The following TRIT1 variants were observed in gnomAD, a reference collection of about 807,000 sequenced individuals.
The protein encoded by TRIT1 is tRNA dimethylallyltransferase.
A neutral mutation model predicts 51.2 loss-of-function variants in TRIT1; 43 were observed. The observed-to-expected ratio is 0.84, with a 90% confidence interval of 0.66 to 1.08. The LOEUF is 1.08. Ranked by LOEUF, TRIT1 falls within the 50% of genes least tolerant of loss-of-function variation. The pLI is 0.00. For missense variants in TRIT1, 528 were observed against 578.4 expected, an observed-to-expected ratio of 0.91 and a Z score of 0.89; for synonymous variants, 184 against 203.9, an observed-to-expected ratio of 0.90 and a Z score of 0.83.
chr1:39,865,789 C>T (rs1643511532), intron 1 of TRIT1, among the ~76,000 whole-genome samples: 1 of 151,120 alleles, frequency 6.6e-6, no homozygotes, highest in Non-Finnish European at 1.5e-5. Context: ...GGGTGAGCTG[C>T]AGTGGGCCAT....
At chr1:39,863,771 GA>G (rs201057331) in intron 1 of TRIT1, among the ~76,000 whole-genome samples, 51 of 146,196 alleles carry the variant, frequency 3.5e-4, no homozygotes, top group Middle Eastern at 6.9e-3. Context: ...AAAGAGATAT[GA>G]AAAAAAAACT....
intron 1 of TRIT1, among the ~76,000 whole-genome samples, chr1:39,869,763 A>T (rs12033174): frequency 7.1e-5 from 10 of 140,556 alleles, no homozygotes; most frequent in African/African-American, 2.6e-4. Flanking sequence ...CCGCCACCCC[A>T]TCTGGGAGGT....
chr1:39,860,506 T>A (rs1643174883), intron 1 of TRIT1, among the ~76,000 whole-genome samples: 1 of 152,188 alleles, frequency 6.6e-6, no homozygotes, highest in Non-Finnish European at 1.5e-5. Context: ...ATGCAAATAT[T>A]ACAAAATCAG....
At chr1:39,851,444 T>C (rs1192382922) in intron 4 of TRIT1, among the ~76,000 whole-genome samples, 1 of 152,182 alleles carries the variant, frequency 6.6e-6, no homozygotes, top group African/African-American at 2.4e-5. Flanking sequence ...TGAATGTTTA[T>C]CATAATGTTC....
At chr1:39,859,334 C>T (rs1643104399) in intron 1 of TRIT1, among the ~76,000 whole-genome samples, 1 of 136,840 alleles carries the variant, frequency 7.3e-6, no homozygotes, top group African/African-American at 2.7e-5. Flanking sequence ...ACCTGTAATC[C>T]TAGCACTTTG....
chr1:39,877,800 T>G (rs898698316), intron 1 of TRIT1, among the ~76,000 whole-genome samples: 31 of 152,194 alleles, frequency 2.0e-4, no homozygotes, highest in African/African-American at 7.5e-4. Flanking sequence ...CAGATCCAAT[T>G]CCCAGTGTCT....
intron 1 of TRIT1, among the ~76,000 whole-genome samples, chr1:39,866,031 GAAAAGAAAAGA>G (rs1239951301): frequency 7.0e-6 from 1 of 142,908 alleles, no homozygotes; most frequent in Non-Finnish European, 1.5e-5. Context: ...AGAAAGAAAA[GAAAAGAAAAGA>G]AAAAGAAAAG....
intron 2 of TRIT1, among the ~76,000 whole-genome samples, chr1:39,856,513 C>G (rs867583178): frequency 6.7e-6 from 1 of 149,846 alleles, no homozygotes; most frequent in African/African-American, 2.5e-5. Context: ...AAAAAATTCA[C>G]GTACCTCCAT....
intron 8 of TRIT1, 142 bp downstream of exon 8, chr1:39,847,077 AT>A (rs199666476): frequency 0.022 from 13,180 of 607,692 alleles, 754 homozygotes; most frequent in East Asian, 0.18. Context: ...CTGGATAATC[AT>A]TTATGTTATA....
intron 4 of TRIT1, among the ~76,000 whole-genome samples, chr1:39,851,396 A>T (rs1474600275): frequency 6.6e-6 from 1 of 152,184 alleles, no homozygotes; most frequent in Non-Finnish European, 1.5e-5. Flanking sequence ...GAGAATAAAC[A>T]CCAAGCTCTA....
chr1:39,873,457 G>C (rs963068739), intron 1 of TRIT1, among the ~76,000 whole-genome samples: 2 of 152,152 alleles, frequency 1.3e-5, no homozygotes, highest in African/African-American at 4.8e-5. Flanking sequence ...GACAAGGAAA[G>C]ACTGAAAACT....
chr1:39,881,966 A>C (rs996899067), intron 1 of TRIT1, among the ~76,000 whole-genome samples: 2 of 152,210 alleles, frequency 1.3e-5, no homozygotes, highest in Non-Finnish European at 2.9e-5. Context: ...TTGTCTCTCC[A>C]GTAGGGCCTC....
rs1652486023 is a variant in TRIT1, at chr1:39,839,420, A to T, written c.*2324T>A. On this transcript the variant is annotated 3_prime_UTR_variant, in exon 11 of 11. Transcript: ENST00000316891. Reference sequence around the variant, plus strand: ...CCATGTTTTAGGCCTCAGTTTCCCCATCCATACAAGAGATAAAGAATTCTT... The same window carrying T: ...CCATGTTTTAGGCCTCAGTTTCCCCTTCCATACAAGAGATAAAGAATTCTT... Among the ~76,000 whole-genome samples the T allele has an allele frequency of 2.6e-5, 4 of 152,180 alleles. No homozygotes were observed. Among genetic ancestry groups the T allele is most frequent in the Admixed American group, 2.6e-4 (4 of 15,280 alleles).
At chr1:39,854,640 T>G (rs61779835) in intron 2 of TRIT1, among the ~76,000 whole-genome samples, 27,759 of 152,146 alleles carry the variant, frequency 0.18, 2,683 homozygotes, top group Non-Finnish European at 0.22. Context: ...CTGTCTGAGT[T>G]TCAGTTTTCT....
At chr1:39,854,497 AGTCAGTCTCTACCATCATG>A (rs774148875) in intron 2 of TRIT1, among the ~76,000 whole-genome samples, 3 of 152,212 alleles carry the variant, frequency 2.0e-5, no homozygotes, top group Non-Finnish European at 4.4e-5. Flanking sequence ...TCTTAGACTT[AGTCAGTCTCTACCATCATG>A]GAGAGACTAT....
In TRIT1 at chr1:39,850,151, G is replaced by A; in HGVS notation, c.671C>T (p.Pro224Leu). 1.2e-6 allele frequency: 2 copies of A among 1,614,162 alleles called. No individual in the cohort carries two copies. Among genetic ancestry groups the A allele is most frequent in the Non-Finnish European group, 1.7e-6 (2 of 1,180,024 alleles). The change falls in exon 5 of 11, where the codon CCT becomes CTT. Residue 224 changes from proline to leucine, a missense_variant. Around this residue, in one of 3 missense-constraint regions of TRIT1, gnomAD observed 468 missense variants for 522.6 expected, o/e 0.90. Coordinates refer to ENST00000316891, the MANE Select transcript of TRIT1 (RefSeq NM_017646.6). ...GTCAGCATGAAGCCAAAGGATGCAA[G>A]GGTTAGAGAACTTCAGAGGACCTCC... Reference protein sequence around the residue: ...PLGGPLKFSNPCILWLHADQA... With the variant: ...PLGGPLKFSNLCILWLHADQA...
At position 39,841,655 on chromosome 1, in the gene TRIT1, C is replaced by T. The variant is rs1051175606; in HGVS notation, c.*89G>A. 5.2e-6 allele frequency: 7 copies of T among 1,351,536 alleles called. No homozygotes were observed. The highest frequency in any genetic ancestry group is 2.0e-4 in the Middle Eastern group (1 of 4,928). 83.7% of individuals were successfully genotyped at this position (1,351,536 alleles called of 1,614,324 possible). ...CTGCTATGCAGAGAATTCCGCATAG[C>T]ACTCCTTTGCCCAGACTGGGAGACA... On this transcript the variant is annotated 3_prime_UTR_variant, in exon 11 of 11. Coordinates refer to ENST00000316891, the MANE Select transcript of TRIT1 (RefSeq NM_017646.6).
chr1:39,848,124 G>A (rs1642343672), intron 5 of TRIT1, 27 bp from the exon 6 acceptor site: 1 of 1,588,240 alleles, frequency 6.3e-7, no homozygotes, highest in African/African-American at 1.3e-5. Context: ...CCATCAACCA[G>A]CAAGCAAGTT....
chr1:39,872,068 A>ATTT (rs59839907), intron 1 of TRIT1, among the ~76,000 whole-genome samples: 2,511 of 114,084 alleles, frequency 0.022, 80 homozygotes, highest in East Asian at 0.089. Context: ...GGCCTGACTA[A>ATTT]TTTTTTTTTT....
Sources: allele counts gnomAD v4.1 joint callset (sites outside exome capture counted in the v4.1 genomes callset), GRCh38; gene constraint gnomAD v4.1.1; regional missense constraint gnomAD v4.1.1; transcripts MANE v1.5; gene names NCBI Gene and HGNC (gene_info 2026-07-23, HGNC 2026-07-21).